LSAMP: variants seen among roughly 807,000 people sequenced by gnomAD.
LSAMP encodes limbic system-associated membrane protein.
In LSAMP, 7 loss-of-function variants were observed where a neutral mutation model predicts 38.6. The ratio of observed to expected loss-of-function variants is 0.18; its 90% CI spans 0.10 to 0.34. LSAMP has a LOEUF of 0.34. LSAMP is among the 10% of genes least tolerant of loss of function. The probability of loss-of-function intolerance (pLI) is 1.00; values close to 1 mark genes in which losing one functional copy is unlikely to be tolerated. For synonymous variants in LSAMP, 154 were observed against 166.8 expected (o/e 0.92, Z 0.59); for missense variants, 313 against 420.0 (o/e 0.75, Z 2.23).
At chr3:115,893,394 T>G (rs1936649652) in intron 3 of LSAMP, among the ~76,000 whole-genome samples, 1 of 152,032 alleles carries the variant, frequency 6.6e-6, no homozygotes, top group Non-Finnish European at 1.5e-5. Context: ...AAATAATATT[T>G]AAGAGTGATC....
intron 1 of LSAMP, among the ~76,000 whole-genome samples, chr3:116,244,583 C>T (rs78514618): frequency 0.019 from 2,860 of 152,278 alleles, 75 homozygotes; most frequent in African/African-American, 0.064. Context: ...CCTAAGCATG[C>T]TATCTTCAAA....
At chr3:116,155,606 G>A (rs1709728078) in intron 1 of LSAMP, among the ~76,000 whole-genome samples, 1 of 149,904 alleles carries the variant, frequency 6.7e-6, no homozygotes, top group African/African-American at 2.4e-5. Context: ...AGTATTTAAT[G>A]TGATGTATAC....
At position 116,299,572 on chromosome 3, in the gene LSAMP, G is replaced by A. The variant is rs1452355130; in HGVS notation, c.155+145305C>T. ...AAATTAGGCTTGCTCTTTATTCTAC[G>A]TACAGAAGTTTCTGGGTATATAGAT... On this transcript the variant is annotated intron_variant, in intron 1 of 6. Transcript: ENST00000490035. Among the ~76,000 whole-genome samples, 4 of 152,232 alleles carry A rather than the reference G, an allele frequency of 2.6e-5. No individual in the cohort carries two copies. In the East Asian group the frequency reaches 5.8e-4, roughly 22 times the overall value.
Position 115,842,003 on chromosome 3 carries a change from C to A in LSAMP, c.771-10G>T, listed in dbSNP as rs942189659. On this transcript the variant is annotated splice_polypyrimidine_tract_variant and intron_variant, in intron 5 of 6. Coordinates refer to ENST00000490035, the MANE Select transcript of LSAMP (RefSeq NM_002338.5). ...ATTGGCACTATTTATCCTAAGAGTT[C>A]AAAAACAGAAGAATAGAAAGGATCA... 1.9e-6 allele frequency: 3 copies of A among 1,603,360 alleles called. No homozygotes were observed. The highest frequency in any genetic ancestry group is 2.7e-5 in the African/African-American group (2 of 74,356).
chr3:116,349,601 C>A (rs2048111227), intron 1 of LSAMP, among the ~76,000 whole-genome samples: 1 of 151,540 alleles, frequency 6.6e-6, no homozygotes, highest in East Asian at 1.9e-4. Context: ...TGGGTTGCAG[C>A]AGTAAACAAA....
intron 3 of LSAMP, among the ~76,000 whole-genome samples, chr3:115,883,060 T>C (rs1431075247): frequency 3.9e-5 from 6 of 151,974 alleles, no homozygotes; most frequent in Non-Finnish European, 8.8e-5. Flanking sequence ...AGCAGATAGA[T>C]TGAAGGAGAA....
chr3:116,170,219 G>GAAGCAATGTGGTA (rs1559768609), intron 1 of LSAMP, among the ~76,000 whole-genome samples: 1 of 152,016 alleles, frequency 6.6e-6, no homozygotes, highest in African/African-American at 2.4e-5. Context: ...TGCATCCAAA[G>GAAGCAATGTGGTA]CAAGAAAAAA....
At chr3:116,301,536 A>ACAT (rs1316485740) in intron 1 of LSAMP, among the ~76,000 whole-genome samples, 25 of 152,228 alleles carry the variant, frequency 1.6e-4, no homozygotes, top group African/African-American at 5.8e-4. Flanking sequence ...CCAAGACTAT[A>ACAT]CATCTTTCCC....
intron 1 of LSAMP, among the ~76,000 whole-genome samples, chr3:116,382,504 T>C (rs1427588312): frequency 1.1e-5 from 1 of 87,946 alleles, no homozygotes; most frequent in Non-Finnish European, 2.2e-5. Flanking sequence ...GGGCCTGTCA[T>C]GGGGTCGGGG....
At chr3:116,132,792 GAGTTTAT>G (rs1303474693) in intron 1 of LSAMP, among the ~76,000 whole-genome samples, 1 of 152,156 alleles carries the variant, frequency 6.6e-6, no homozygotes, top group South Asian at 2.1e-4. Context: ...TTCAGTGAAT[GAGTTTAT>G]AGTTTATGTT....
At chr3:116,416,522 G>A (rs569711958) in intron 1 of LSAMP, among the ~76,000 whole-genome samples, 30 of 152,268 alleles carry the variant, frequency 2.0e-4, no homozygotes, top group Admixed American at 1.9e-3. Context: ...TGAATATGCT[G>A]CAGTTGTCAA....
At chr3:116,057,963 A>ACC (rs1941521016) in intron 2 of LSAMP, among the ~76,000 whole-genome samples, 1 of 97,540 alleles carries the variant, frequency 1.0e-5, no homozygotes, top group Admixed American at 1.2e-4. Context: ...ACACCCACAC[A>ACC]CACACACACA....
chr3:116,104,070 C>T lies in LSAMP; in HGVS notation c.156-17514G>A, dbSNP rs532869522. Among the ~76,000 whole-genome samples the T allele has an allele frequency of 6.0e-5, 9 of 150,744 alleles. No homozygotes were observed. In the East Asian group the frequency reaches 6.0e-4, roughly 10 times the overall value. ...AGAAAGCTTTCTCTAAGTGAGCCCA[C>T]GTAGATTTCTTTCCCCATCACTGAG... On this transcript the variant is annotated intron_variant, in intron 1 of 6. Transcript: ENST00000490035.
intron 1 of LSAMP, among the ~76,000 whole-genome samples, chr3:116,096,804 C>T (rs2107442792): frequency 6.6e-6 from 1 of 152,044 alleles, no homozygotes; most frequent in East Asian, 1.9e-4. Context: ...GCTTTGAGGA[C>T]TCTCAGGTTG....
intron 1 of LSAMP, among the ~76,000 whole-genome samples, chr3:116,168,464 C>T (rs1351512549): frequency 6.6e-6 from 1 of 152,174 alleles, no homozygotes; most frequent in African/African-American, 2.4e-5. Context: ...AGAAATTCAT[C>T]CCAGAGATAA....
intron 1 of LSAMP, among the ~76,000 whole-genome samples, chr3:116,372,185 A>T (rs564922534): frequency 7.2e-5 from 11 of 152,092 alleles, no homozygotes; most frequent in Admixed American, 7.2e-4. Flanking sequence ...ACATAGCTAT[A>T]GTAATCAAAA....
At chr3:115,974,333 C>T (rs1053526296) in intron 3 of LSAMP, among the ~76,000 whole-genome samples, 5 of 151,806 alleles carry the variant, frequency 3.3e-5, no homozygotes, top group Non-Finnish European at 5.9e-5. Context: ...GACAGAGCTA[C>T]ACTTCATCTC....
Position 115,813,229 on chromosome 3 carries a change from C to A in LSAMP, c.920-2815G>T, listed in dbSNP as rs371193220. Among the ~76,000 whole-genome samples the A allele has an allele frequency of 3.9e-5, 6 of 152,154 alleles. No homozygotes were observed. In the South Asian group the frequency reaches 6.2e-4, roughly 16 times the overall value. ...TTCAGTCAAAGATGAACCACGTATACAAAGGAGGTCCTATAAAGTTATAGC... is the reference window on the plus strand; with the variant it reads ...TTCAGTCAAAGATGAACCACGTATAAAAAGGAGGTCCTATAAAGTTATAGC... On this transcript the variant is annotated intron_variant, in intron 6 of 6. Coordinates refer to ENST00000490035, the MANE Select transcript of LSAMP (RefSeq NM_002338.5).
At chr3:116,247,757 G>C (rs1200759231) in intron 1 of LSAMP, among the ~76,000 whole-genome samples, 1 of 152,162 alleles carries the variant, frequency 6.6e-6, no homozygotes, top group African/African-American at 2.4e-5. Context: ...TTTATCACTA[G>C]GTTTCAACTA....
Sources: gnomAD v4.1 joint callset for allele counts (sites outside exome capture counted in the v4.1 genomes callset) on GRCh38, gnomAD v4.1.1 for gene constraint, MANE v1.5 for transcripts, NCBI Gene and HGNC (gene_info 2026-07-23, HGNC 2026-07-21) for gene names.